Variants in CAPZB observed in about 807,000 individuals in gnomAD.
The protein encoded by CAPZB is capping actin protein of muscle Z-line subunit beta.
CAPZB carries 2 observed loss-of-function variants against 38.1 expected under a neutral mutation model. The observed-to-expected ratio is 0.05, with a 90% CI of 0.02 to 0.17. The LOEUF (loss-of-function observed/expected upper bound fraction) is 0.17, where lower values mean the gene tolerates loss of function less well. Among genes scored for constraint, CAPZB ranks in the 10% least tolerant of loss-of-function variants. CAPZB has a pLI of 1.00. For missense variants in CAPZB, 161 were observed against 334.2 expected (o/e 0.48, Z 4.04); for synonymous variants, 107 against 127.4 (o/e 0.84, Z 1.08).
At chr1:19,431,490 A>G (rs1183534024) in intron 1 of CAPZB, among the ~76,000 whole-genome samples, 1 of 152,100 alleles carries the variant, frequency 6.6e-6, no homozygotes, top group Non-Finnish European at 1.5e-5. Context: ...TCAGGAGATC[A>G]AGACCATCTG....
intron 2 of CAPZB, among the ~76,000 whole-genome samples, chr1:19,399,558 T>C (rs1470386264): frequency 6.6e-6 from 1 of 152,174 alleles, no homozygotes; most frequent in Non-Finnish European, 1.5e-5. Context: ...GGTTCTGCCA[T>C]GAAACGGTGC....
chr1:19,383,378 C>CA (rs1051983286), intron 3 of CAPZB, among the ~76,000 whole-genome samples: 1 of 145,776 alleles, frequency 6.9e-6, no homozygotes, highest in African/African-American at 2.6e-5. Flanking sequence ...ACCCAGGAGA[C>CA]AGAGGTTGCA....
At chr1:19,448,140 G>T (rs1001443075) in intron 1 of CAPZB, among the ~76,000 whole-genome samples, 1 of 152,196 alleles carries the variant, frequency 6.6e-6, no homozygotes, top group African/African-American at 2.4e-5. Context: ...GCGCATCAAG[G>T]GGCCACAGTC....
intron 8 of CAPZB, chr1:19,342,848 G>A: frequency 1.2e-6 from 2 of 1,605,698 alleles, no homozygotes. Context: ...TGGTTGTCAG[G>A]GATAGCATCA....
rs993625472 is a variant in CAPZB at position 19,460,995 on chromosome 1, A to T, written c.3+24441T>A. On this transcript the variant is annotated intron_variant, in intron 1 of 8. Transcript: ENST00000264202. ...ACCCAGGAGCTGAGCTACTGAGCTC[A>T]GCCTCCCTCTCTCAAGGCTGGGAAA... Among the ~76,000 whole-genome samples the T allele has an allele frequency of 7.3e-5, 11 of 149,790 alleles. No individual in the cohort carries two copies. In the South Asian group the frequency reaches 2.1e-3, roughly 29 times the overall value.
At chr1:19,373,434 C>T (rs917129765) in intron 4 of CAPZB, among the ~76,000 whole-genome samples, 1 of 152,172 alleles carries the variant, frequency 6.6e-6, no homozygotes, top group African/African-American at 2.4e-5. Flanking sequence ...ATCCAACTCC[C>T]TACAAAGTCA....
Position 19,343,864 on chromosome 1 carries a change from C to T in CAPZB, c.731+494G>A, listed in dbSNP as rs544147740. Among the ~76,000 whole-genome samples, 152 of 152,284 alleles carry T rather than the reference C, an allele frequency of 1.0e-3. 1 individual carries two copies. The highest frequency in any genetic ancestry group is 3.2e-3 in the African/African-American group (135 of 41,564). ...CAGAGAGGCTGGGGCCCCCTGAGAA[C>T]GCCCAGGCTGAGGGCCCTGCCTGCA... On this transcript the variant is annotated intron_variant, in intron 8 of 8. Transcript: ENST00000264202.
At chr1:19,447,795 C>T (rs1483867049) in intron 1 of CAPZB, among the ~76,000 whole-genome samples, 1 of 152,332 alleles carries the variant, frequency 6.6e-6, no homozygotes, top group East Asian at 1.9e-4. Flanking sequence ...TGCTCCTCTC[C>T]GCCTCGGTGG....
chr1:19,448,901 A>G, intron 1 of CAPZB: 1 of 1,612,878 alleles, frequency 6.2e-7, no homozygotes, highest in East Asian at 2.2e-5. Context: ...TGTATCCTGG[A>G]ACTGCCTGGG....
At chr1:19,457,032 G>C (rs1448546665) in intron 1 of CAPZB, among the ~76,000 whole-genome samples, 1 of 152,152 alleles carries the variant, frequency 6.6e-6, no homozygotes, top group Non-Finnish European at 1.5e-5. Flanking sequence ...TAGCCTAAAG[G>C]GTTAGGGTTA....
intron 2 of CAPZB, among the ~76,000 whole-genome samples, chr1:19,412,412 T>C (rs1199050342): frequency 6.6e-6 from 1 of 152,196 alleles, no homozygotes; most frequent in Non-Finnish European, 1.5e-5. Context: ...TAAAATGTCT[T>C]GCATGTGGGC....
intron 2 of CAPZB, among the ~76,000 whole-genome samples, chr1:19,394,221 G>C (rs2094253816): frequency 6.6e-6 from 1 of 152,102 alleles, no homozygotes; most frequent in African/African-American, 2.4e-5. Context: ...GTTGGTCTCA[G>C]GTGATCCGTC....
chr1:19,391,352 G>GT (rs1184697943), intron 2 of CAPZB, among the ~76,000 whole-genome samples: 2 of 152,124 alleles, frequency 1.3e-5, no homozygotes, highest in Admixed American at 1.3e-4. Flanking sequence ...TTGTACCTCG[G>GT]TTTTTTAAAA....
chr1:19,360,658 G>A (rs1248473605), intron 4 of CAPZB, among the ~76,000 whole-genome samples: 4 of 152,178 alleles, frequency 2.6e-5, no homozygotes, highest in Non-Finnish European at 5.9e-5. Flanking sequence ...CCATCCCTGA[G>A]CGTTTCATTT....
chr1:19,342,909 G>T, intron 8 of CAPZB: 2 of 1,208,468 alleles, frequency 1.7e-6, no homozygotes, highest in Non-Finnish European at 2.5e-6. Context: ...GGAAGAGAAC[G>T]ACGAGAAGCC....
chr1:19,346,124 C>T (rs2093959160), intron 6 of CAPZB, among the ~76,000 whole-genome samples: 4 of 152,152 alleles, frequency 2.6e-5, no homozygotes. Flanking sequence ...GAGAGATGTG[C>T]CTGCCTCATA....
At chr1:19,402,364 C>A (rs1181001698) in intron 2 of CAPZB, among the ~76,000 whole-genome samples, 1 of 152,194 alleles carries the variant, frequency 6.6e-6, no homozygotes, top group Non-Finnish European at 1.5e-5. Flanking sequence ...GATCAACAGG[C>A]TTACAAGGGC....
At chr1:19,349,656 G>A (rs377161594) in intron 6 of CAPZB, among the ~76,000 whole-genome samples, 1 of 152,296 alleles carries the variant, frequency 6.6e-6, no homozygotes. Context: ...GGGTGGAGGA[G>A]AGGGCTGGGT....
At chr1:19,480,760 T>C (rs765377337) in intron 1 of CAPZB, among the ~76,000 whole-genome samples, 11 of 152,148 alleles carry the variant, frequency 7.2e-5, no homozygotes, top group Non-Finnish European at 1.5e-4. Flanking sequence ...TTGTCTTTAA[T>C]GGAGAAAAGA....
Sources: gnomAD v4.1 joint callset for allele counts (sites outside exome capture counted in the v4.1 genomes callset) on GRCh38, gnomAD v4.1.1 for gene constraint, MANE v1.5 for transcripts, NCBI Gene and HGNC (gene_info 2026-07-23, HGNC 2026-07-21) for gene names.